PSD: variants seen among roughly 807,000 people sequenced by gnomAD.
PSD encodes PH and SEC7 domain-containing protein 1.
PSD carries 32 observed loss-of-function variants against 91.6 expected under a neutral mutation model. The ratio of observed to expected loss-of-function variants is 0.35; its 90% CI spans 0.26 to 0.47. The LOEUF is 0.47. Among genes scored for constraint, PSD ranks in the 20% least tolerant of loss-of-function variants. PSD has a pLI of 1.00. For missense variants in PSD, 1,099 were observed against 1,373.9 expected (o/e 0.80, Z 3.16); for synonymous variants, 532 against 569.3 (o/e 0.93, Z 0.93).
rs528366617 is a variant in PSD at position 102,414,359 on chromosome 10, A to G, written c.1125-162T>C. On this transcript the variant is annotated intron_variant, in intron 4 of 16. Transcript: ENST00000020673. This position sits in a 1 kb window ranked among gnomAD's most constrained non-coding sequence, Gnocchi z 5.6. ...AGCCTCTAGGGTAGGGCGCCAAGCTATTCAGTGCCCCCTGGGGCACACCAG... is the reference window on the plus strand; with the variant it reads ...AGCCTCTAGGGTAGGGCGCCAAGCTGTTCAGTGCCCCCTGGGGCACACCAG... Among the ~76,000 whole-genome samples the G allele has an allele frequency of 3.9e-5, 6 of 152,134 alleles. No homozygotes were observed. The highest frequency in any genetic ancestry group is 1.4e-4 in the African/African-American group (6 of 41,506).
intron 8 of PSD, 137 bp downstream of exon 8, chr10:102,411,570 G>A: frequency 1.4e-6 from 1 of 699,704 alleles, no homozygotes; most frequent in Admixed American, 2.1e-5. Context: ...CTGCACACAT[G>A]CAAGTTCACA....
chr10:102,410,824 C>T lies in PSD; in HGVS notation c.2091+34G>A. The T allele has an allele frequency of 6.5e-7, 1 of 1,545,092 alleles. No homozygotes were observed. ...CGCCGACTGGGTCCTCCATCCTTCC[C>T]CTCCAGCGACTTCTACCCTGCCCCG... On this transcript the variant is annotated intron_variant, in intron 10 of 16. Transcript: ENST00000020673. This position sits in a 1 kb window ranked among gnomAD's most constrained non-coding sequence, Gnocchi z 6.0.
upstream of PSD, chr10:102,419,731 G>C (rs2061535007): frequency 6.0e-6 from 1 of 166,348 alleles, no homozygotes; most frequent in Non-Finnish European, 1.3e-5. This position sits in a 1 kb window ranked among gnomAD's most constrained non-coding sequence, Gnocchi z 4.8. Flanking sequence ...CGCAGGCGCA[G>C]AGGCGCGAAC....
intron 10 of PSD, among the ~76,000 whole-genome samples, chr10:102,408,508 C>A (rs138636126): frequency 1.3e-5 from 2 of 152,292 alleles, no homozygotes; most frequent in African/African-American, 2.4e-5. Context: ...AGACCCTTAA[C>A]CCTCACTCCG....
chr10:102,410,830 G>A lies in PSD; in HGVS notation c.2091+28C>T. ...CTGGGTCCTCCATCCTTCCCCTCCA[G>A]CGACTTCTACCCTGCCCCGCCCCCC... On this transcript the variant is annotated intron_variant, in intron 10 of 16. Coordinates refer to ENST00000020673, the MANE Select transcript of PSD (RefSeq NM_002779.5). The surrounding 1 kb of genome is among the most constrained non-coding windows in gnomAD (Gnocchi z 6.0). The A allele has an allele frequency of 1.9e-6, 3 of 1,559,778 alleles. No individual in the cohort carries two copies. Among genetic ancestry groups the A allele is most frequent in the Non-Finnish European group, 2.6e-6 (3 of 1,135,954 alleles).
intron 6 of PSD, 72 bp downstream of exon 6, chr10:102,412,309 C>T: frequency 6.2e-7 from 1 of 1,611,008 alleles, no homozygotes. Context: ...GACCAGGGGA[C>T]ATTAGATGGA....
At chr10:102,418,984 C>T (rs1352337082), upstream of PSD, 3 of 344,720 alleles carry the variant, frequency 8.7e-6, no homozygotes, top group African/African-American at 4.3e-5. Context: ...GCATGGAACC[C>T]CTGGTTCTAT....
In PSD at chr10:102,404,304, T is replaced by C. The variant is rs1307712305; in HGVS notation, c.2700+279A>G. ...CAGAGCTTGCAGTGAGCTGAGATCGTGCCACGGCACTCCCACCTGGGCAAC... is the reference window on the plus strand; with the variant it reads ...CAGAGCTTGCAGTGAGCTGAGATCGCGCCACGGCACTCCCACCTGGGCAAC... On this transcript the variant is annotated intron_variant, in intron 15 of 16. Coordinates refer to ENST00000020673, the MANE Select transcript of PSD (RefSeq NM_002779.5). The surrounding 1 kb of genome is among the most constrained non-coding windows in gnomAD (Gnocchi z 5.7). Among the ~76,000 whole-genome samples the C allele has an allele frequency of 2.1e-5, 3 of 144,480 alleles. No homozygotes were observed. Among genetic ancestry groups the C allele is most frequent in the Non-Finnish European group, 4.5e-5 (3 of 67,202 alleles). The allele number at this position is 144,480 out of a possible 152,430, so 94.8% of individuals were successfully genotyped here. A position where few individuals can be genotyped will look rare whatever the true frequency, so the allele number is the denominator to read the frequency against.
upstream of PSD, chr10:102,418,835 G>T (rs568206058): frequency 1.5e-5 from 4 of 272,044 alleles, no homozygotes; most frequent in Admixed American, 7.7e-5. Flanking sequence ...CCTACGCGCC[G>T]CTCAGGCAAC....
At chr10:102,417,172 A>C in intron 1 of PSD, 51 bp from the exon 2 acceptor site, 1 of 610,466 alleles carries the variant, frequency 1.6e-6, no homozygotes, top group Non-Finnish European at 2.9e-6. Flanking sequence ...AGTTAGATGG[A>C]TAGGACAGCA....
In PSD at chr10:102,403,825, CAG is replaced by C; in HGVS notation, c.2844+15_2844+16del. On this transcript the variant is annotated intron_variant, in intron 16 of 16. Transcript: ENST00000020673. This position sits in a 1 kb window ranked among gnomAD's most constrained non-coding sequence, Gnocchi z 6.7. ...GGGCCTGCGTGTGTGGACAGAGGGG[CAG>C]ACAGGGAGGCTCACCTCAAACTCCA... 1 of 1,607,028 alleles carries C rather than the reference CAG, an allele frequency of 6.2e-7. No individual in the cohort carries two copies. The highest frequency in any genetic ancestry group is 8.5e-7 in the Non-Finnish European group (1 of 1,176,142).
intron 6 of PSD, 37 bp from the exon 7 acceptor site, chr10:102,412,264 G>A (rs779286171): frequency 2.5e-6 from 4 of 1,612,186 alleles, no homozygotes; most frequent in African/African-American, 1.3e-5. Context: ...GGGTCTCAAG[G>A]GGAAGTGCAG....
chr10:102,415,255 C>T (rs746816943), intron 3 of PSD, 26 bp from the exon 4 acceptor site: 64 of 1,569,734 alleles, frequency 4.1e-5, no homozygotes, highest in Non-Finnish European at 5.5e-5. Flanking sequence ...GCATCCAGGT[C>T]AGGAGGTTAT....
Position 102,414,071 on chromosome 10 carries a change from G to A in PSD, c.1251C>T (p.Gly417=). The change falls in exon 5 of 17, where the codon GGC becomes GGT. Residue 417 remains glycine, a synonymous_variant. Transcript: ENST00000020673. This position sits in a 1 kb window ranked among gnomAD's most constrained non-coding sequence, Gnocchi z 5.6. The part of the protein sequence containing the change: ...EAILESHRAK[G]TSYTSLASLE... Reference sequence around the variant, plus strand: ...GCGAGGCGAGGCTGGTATAGGAGGTGCCTTTGGCCCGGTGTGACTCCAGGA... The same window carrying A: ...GCGAGGCGAGGCTGGTATAGGAGGTACCTTTGGCCCGGTGTGACTCCAGGA... 1 of 1,614,138 alleles carries A rather than the reference G, an allele frequency of 6.2e-7. No homozygotes were observed. The highest frequency in any genetic ancestry group is 1.1e-5 in the South Asian group (1 of 91,090).
Position 102,405,620 on chromosome 10 carries a change from G to T in PSD, c.2136-84C>A. On this transcript the variant is annotated intron_variant, in intron 11 of 16. Coordinates refer to ENST00000020673, the MANE Select transcript of PSD (RefSeq NM_002779.5). The surrounding 1 kb of genome is among the most constrained non-coding windows in gnomAD (Gnocchi z 5.4). ...TCTGGCCTCTGCTCGCCCTGGAAAAGCTCCCCCAGTGTTTGTGGCTTGGGG... is the reference window on the plus strand; with the variant it reads ...TCTGGCCTCTGCTCGCCCTGGAAAATCTCCCCCAGTGTTTGTGGCTTGGGG... The T allele has an allele frequency of 1.5e-6, 2 of 1,349,540 alleles. No homozygotes were observed. Among genetic ancestry groups the T allele is most frequent in the Non-Finnish European group, 2.0e-6 (2 of 998,026 alleles). 83.6% of individuals were successfully genotyped at this position (1,349,540 alleles called of 1,614,324 possible).
Position 102,409,167 on chromosome 10 carries a change from C to T in PSD, c.2091+1691G>A. 1.0e-6 allele frequency: 1 copy of T among 980,832 alleles called. No individual in the cohort carries two copies. 60.8% of individuals were successfully genotyped at this position (980,832 alleles called of 1,614,324 possible). ...TCGGCCCCCGGGCCGCCCGGACGGCCCGCGGACCGCTCCCCCGACAGCCAG... is the reference window on the plus strand; with the variant it reads ...TCGGCCCCCGGGCCGCCCGGACGGCTCGCGGACCGCTCCCCCGACAGCCAG... On this transcript the variant is annotated intron_variant, in intron 10 of 16. Transcript: ENST00000020673. The surrounding 1 kb of genome is among the most constrained non-coding windows in gnomAD (Gnocchi z 5.7).
At chr10:102,415,961 C>T (rs1056651533) in intron 3 of PSD, 56 bp downstream of exon 3, 223 of 1,385,416 alleles carry the variant, frequency 1.6e-4, no homozygotes, top group Non-Finnish European at 3.5e-5. Flanking sequence ...TACTGAGCCT[C>T]AGCTGCTGTG....
chr10:102,412,833 A>C (rs1262107070), intron 5 of PSD, among the ~76,000 whole-genome samples: 1 of 152,092 alleles, frequency 6.6e-6, no homozygotes, highest in African/African-American at 2.4e-5. Context: ...CTGCTTCCTC[A>C]AGCTCCCAGG....
chr10:102,413,642 C>T (rs2061445445), intron 5 of PSD, 127 bp downstream of exon 5: 1 of 941,958 alleles, frequency 1.1e-6, no homozygotes, highest in Non-Finnish European at 1.6e-6. Context: ...GGATCTGCAT[C>T]CCTTAACCAC....
Sources: gnomAD v4.1 joint callset for allele counts (sites outside exome capture counted in the v4.1 genomes callset) on GRCh38, gnomAD v4.1.1 for gene constraint, Gnocchi (gnomAD v3.1) non-coding constraint, MANE v1.5 for transcripts, NCBI Gene and HGNC (gene_info 2026-07-23, HGNC 2026-07-21) for gene names.